Variants in KRT83 observed in about 807,000 individuals in gnomAD.
The protein encoded by KRT83 is keratin, type II cuticular Hb3.
KRT83 carries 51 observed loss-of-function variants against 52.9 expected under a neutral mutation model. That is an observed-to-expected ratio of 0.96 (90% CI 0.77 to 1.22). KRT83 has a LOEUF of 1.22. KRT83 is among the 50% of genes most tolerant of loss of function. The pLI, the probability that KRT83 is intolerant of heterozygous loss-of-function variation, is 0.00. For synonymous variants in KRT83, 278 were observed against 274.1 expected, an observed-to-expected ratio of 1.01 and a Z score of -0.14; for missense variants, 654 against 666.5, an observed-to-expected ratio of 0.98 and a Z score of 0.21.
intron 8 of KRT83, 131 bp from the exon 9 acceptor site, chr12:52,314,949 A>G: frequency 2.0e-6 from 1 of 512,402 alleles, no homozygotes; most frequent in Admixed American, 3.5e-5. Context: ...ATTCTGAAGG[A>G]GGGAACCCTA....
rs558016037 is a variant in KRT83 at position 52,321,094 on chromosome 12, G to T, written c.242C>A (p.Pro81Gln). ...GTTGACCGACACGGTGGTGATGCAT[G>T]GGGGGCTGGGTCCGCACACGCCCCC... Reference protein sequence around the residue: ...RSGGVCGPSPPCITTVSVNES... With the variant: ...RSGGVCGPSPQCITTVSVNES... The change falls in exon 1 of 9, where the codon CCA (proline) becomes CAA (glutamine). Residue 81 changes from proline (P) to glutamine (Q), a missense_variant. By Grantham distance (76) the Pro-to-Gln change is moderately conservative (BLOSUM62 -1). Coordinates refer to ENST00000293670, the MANE Select transcript of KRT83 (RefSeq NM_002282.3). 29 of 1,612,312 alleles carry T rather than the reference G, an allele frequency of 1.8e-5. No homozygotes were observed. Among genetic ancestry groups the T allele is most frequent in the Middle Eastern group, 2.2e-4 (1 of 4,620 alleles).
At chr12:52,317,130 G>C (rs1375584455) in intron 4 of KRT83, 107 bp from the exon 5 acceptor site, 2 of 1,405,202 alleles carry the variant, frequency 1.4e-6, no homozygotes, top group Non-Finnish European at 2.0e-6. Flanking sequence ...CTCATGTTTA[G>C]AGAAACAAAC....
rs886049620 is a variant in KRT83, at chr12:52,314,406, G to A, written c.*225C>T. ...GGAAGCAAGGCCCTTCTCCCCGGGA[G>A]GGGCTGAAGGCTGAGACAGGGGAAG... On this transcript the variant is annotated 3_prime_UTR_variant, in exon 9 of 9. Transcript: ENST00000293670. 1.7e-6 allele frequency: 1 copy of A among 602,766 alleles called. No homozygotes were observed. The highest frequency in any genetic ancestry group is 1.9e-5 in the South Asian group (1 of 52,038). 37.3% of individuals were successfully genotyped at this position (602,766 alleles called of 1,614,324 possible).
intron 1 of KRT83, among the ~76,000 whole-genome samples, chr12:52,320,267 T>A (rs1010421573): frequency 3.3e-5 from 5 of 152,238 alleles, no homozygotes; most frequent in African/African-American, 9.6e-5. Context: ...AACATGTTCC[T>A]AGTCAGAGCC....
intron 2 of KRT83, among the ~76,000 whole-genome samples, chr12:52,318,404 T>C (rs905976178): frequency 2.0e-5 from 3 of 151,980 alleles, no homozygotes; most frequent in African/African-American, 7.3e-5. Context: ...TGTGTGAATG[T>C]GTGTGGTTGG....
chr12:52,316,768 C>A (rs758840756), intron 5 of KRT83, 91 bp downstream of exon 5: 85 of 1,599,156 alleles, frequency 5.3e-5, no homozygotes, highest in Non-Finnish European at 7.2e-5. Context: ...CCTTAGGGAT[C>A]AGAATCCCTA....
intron 4 of KRT83, 36 bp from the exon 5 acceptor site, chr12:52,317,059 A>C: frequency 6.2e-7 from 1 of 1,614,070 alleles, no homozygotes; most frequent in African/African-American, 1.3e-5. Context: ...CAACTCACTT[A>C]TCTGGGCTTC....
chr12:52,314,827 A>G lies in KRT83; in HGVS notation c.1295-9T>C. 6.3e-7 allele frequency: 1 copy of G among 1,599,742 alleles called. No individual in the cohort carries two copies. Among genetic ancestry groups the G allele is most frequent in the Non-Finnish European group, 8.5e-7 (1 of 1,173,692 alleles). Reference sequence around the variant, plus strand: ...CCGGGAGCTGCTGACACCTGTGGGAACAAGGGCAGGGTCAAGAGACCCCTG... The same window carrying G: ...CCGGGAGCTGCTGACACCTGTGGGAGCAAGGGCAGGGTCAAGAGACCCCTG... On this transcript the variant is annotated splice_polypyrimidine_tract_variant and intron_variant, in intron 8 of 8. Transcript: ENST00000293670.
chr12:52,315,332 C>G lies in KRT83; in HGVS notation c.1274G>C (p.Gly425Ala). Residue 425 changes from glycine to alanine, a missense_variant, in exon 8 of 9, where the codon GGT becomes GCT. By Grantham distance (60) the Gly-to-Ala change is moderately conservative. Transcript: ENST00000293670. Reference sequence around the variant, plus strand: ...CTTACAGACATTCACAGCTTCAACACCTTCACACAGCCTGAGTGGGGAAAA... The same window carrying G: ...CTTACAGACATTCACAGCTTCAACAGCTTCACACAGCCTGAGTGGGGAAAA... ...LEGEEQRLCEGVEAVNVCVSS... is the reference protein window; with the variant it reads ...LEGEEQRLCEAVEAVNVCVSS... The G allele has an allele frequency of 6.2e-7, 1 of 1,613,900 alleles. No individual in the cohort carries two copies. Among genetic ancestry groups the G allele is most frequent in the Non-Finnish European group, 8.5e-7 (1 of 1,179,812 alleles).
Position 52,321,269 on chromosome 12 carries a change from A to C in KRT83, c.67T>G (p.Cys23Gly), listed in dbSNP as rs61485872. 3,906 of 1,613,548 alleles carry C rather than the reference A, an allele frequency of 2.4e-3. 79 individuals carry two copies. In the African/African-American group the frequency reaches 0.045, roughly 18 times the overall value. Residue 23 changes from cysteine to glycine, a missense_variant, in exon 1 of 9, where the codon TGC becomes GGC. Transcript: ENST00000293670. ...RPGNFSCVSA[C>G]GPRPSRCCIT... ...CAGCAGCGGCTTGGCCGGGGCCCGC[A>C]GGCAGAGACACAGCTGAAGTTTCCA...
chr12:52,319,131 C>T (rs765732324), intron 2 of KRT83, 25 bp downstream of exon 2: 3 of 1,612,600 alleles, frequency 1.9e-6, no homozygotes, highest in Admixed American at 3.3e-5. Context: ...TTCCTGTGCC[C>T]AGAACCCCTC....
At chr12:52,315,445 G>A (rs3741719) in intron 7 of KRT83, 102 bp from the exon 8 acceptor site, 68,834 of 1,204,160 alleles carry the variant, frequency 0.057, 2,173 homozygotes, top group Middle Eastern at 0.067. Context: ...GGCTATTTCT[G>A]ACCTACATTT....
At chr12:52,320,913 T>TA (rs1330315381) in intron 1 of KRT83, 39 bp downstream of exon 1, 1 of 1,613,442 alleles carries the variant, frequency 6.2e-7, no homozygotes, top group East Asian at 2.2e-5. Context: ...TGAACATGAG[T>TA]AGGGGTTCAG....
chr12:52,317,439 C>T (rs1272347543), intron 4 of KRT83, among the ~76,000 whole-genome samples: 1 of 152,188 alleles, frequency 6.6e-6, no homozygotes, highest in African/African-American at 2.4e-5. Flanking sequence ...GGATGCAGGG[C>T]AGGTTCCCAA....
intron 2 of KRT83, among the ~76,000 whole-genome samples, 164 bp downstream of exon 2, chr12:52,318,992 C>T (rs549721020): frequency 7.2e-5 from 11 of 152,308 alleles, no homozygotes; most frequent in African/African-American, 2.4e-4. Flanking sequence ...CAAGCTGAGC[C>T]TCCATCCCCC....
At chr12:52,315,180 G>T in intron 8 of KRT83, 132 bp downstream of exon 8, 2 of 981,102 alleles carry the variant, frequency 2.0e-6, no homozygotes, top group Non-Finnish European at 3.3e-6. Flanking sequence ...CTGTCTTGCT[G>T]CATGACCAAC....
At chr12:52,320,777 G>A (rs1446442629) in intron 1 of KRT83, among the ~76,000 whole-genome samples, 175 bp downstream of exon 1, 2 of 152,164 alleles carry the variant, frequency 1.3e-5, no homozygotes, top group Non-Finnish European at 2.9e-5. Flanking sequence ...CAGTCTGGTA[G>A]CTCCCGGTCC....
chr12:52,315,302 A>G lies in KRT83; in HGVS notation c.1294+10T>C, dbSNP rs371725329. On this transcript the variant is annotated intron_variant, in intron 8 of 8. Transcript: ENST00000293670. ...TCTACATTTTCCTTTTCAGGGCTCA[A>G]GATACTTACAGACATTCACAGCTTC... The G allele has an allele frequency of 8.7e-6, 14 of 1,613,464 alleles. No homozygotes were observed. The highest frequency in any genetic ancestry group is 2.2e-5 in the East Asian group (1 of 44,878).
Position 52,321,033 on chromosome 12 carries a change from G to T in KRT83, c.303C>A (p.Asp101Glu). The T allele has an allele frequency of 1.9e-6, 3 of 1,613,062 alleles. No homozygotes were observed. In the African/African-American group the frequency reaches 4.0e-5, roughly 22 times the overall value. The part of the protein sequence containing the change: ...SLLTPLNLEI[D>E]PNAQCVKQEE... ...CCTGCTTCACGCACTGCGCGTTGGG[G>T]TCTATCTCCAGGTTGAGGGGCGTGA... Residue 101 changes from aspartate to glutamate, a missense_variant, in exon 1 of 9, where the codon GAC (aspartate) becomes GAA (glutamate). Coordinates refer to ENST00000293670, the MANE Select transcript of KRT83 (RefSeq NM_002282.3).
Sources: allele counts gnomAD v4.1 joint callset (sites outside exome capture counted in the v4.1 genomes callset), GRCh38; gene constraint gnomAD v4.1.1; transcripts MANE v1.5; gene names NCBI Gene and HGNC (gene_info 2026-07-23, HGNC 2026-07-21).